The following CADM2 variants were observed in gnomAD, a reference collection of about 807,000 sequenced individuals.
CADM2 encodes cell adhesion molecule 2, also known as immunoglobulin superfamily member 4D.
CADM2 carries 12 observed loss-of-function variants against 49.8 expected under a neutral mutation model. The ratio of observed to expected loss-of-function variants is 0.24; its 90% CI spans 0.15 to 0.39. CADM2 has a LOEUF of 0.39. Ranked by LOEUF, CADM2 falls within the 10% of genes least tolerant of loss-of-function variation. CADM2 has a pLI of 1.00. For missense variants in CADM2, 378 were observed against 492.3 expected (o/e 0.77, Z 2.20); for synonymous variants, 214 against 175.4 (o/e 1.22, Z -1.74).
At position 86,072,968 on chromosome 3, in the gene CADM2, T is replaced by C. The variant is rs1238166020; in HGVS notation, c.*6185T>C. On this transcript the variant is annotated 3_prime_UTR_variant, in exon 10 of 10. Transcript: ENST00000383699. ...TATTTAACTGTACCTACTGTACTTA[T>C]TGTAGATTCAATGACGCAGTTAAGT... 1 of 152,124 alleles carries C rather than the reference T, an allele frequency of 6.6e-6. No homozygotes were observed. The highest frequency in any genetic ancestry group is 2.4e-5 in the African/African-American group (1 of 41,452). 9.4% of individuals were successfully genotyped at this position (152,124 alleles called of 1,614,324 possible).
chr3:85,942,380 T>C (rs1722037443), intron 7 of CADM2, among the ~76,000 whole-genome samples: 1 of 151,868 alleles, frequency 6.6e-6, no homozygotes, highest in African/African-American at 2.4e-5. Context: ...CATGTGCATA[T>C]TGTGCAGGTT....
chr3:85,413,138 C>CAAAAAAAAAAAAAAAAAA (rs397973777), intron 1 of CADM2, among the ~76,000 whole-genome samples: 5 of 17,114 alleles, frequency 2.9e-4, no homozygotes, highest in African/African-American at 8.3e-4. Context: ...GACTCCGTCT[C>CAAAAAAAAAAAAAAAAAA]AAAAAAAAAA....
chr3:85,335,700 T>C (rs1458987883), intron 1 of CADM2, among the ~76,000 whole-genome samples: 2 of 151,512 alleles, frequency 1.3e-5, no homozygotes, highest in African/African-American at 4.8e-5. Context: ...TATTTAATAA[T>C]CAGCTTCTTC....
chr3:85,173,212 T>C (rs942644412), intron 1 of CADM2, among the ~76,000 whole-genome samples: 25 of 151,764 alleles, frequency 1.6e-4, no homozygotes, highest in African/African-American at 5.1e-4. Context: ...GATATGGGTA[T>C]ATAGATAAGG....
intron 1 of CADM2, among the ~76,000 whole-genome samples, chr3:85,158,252 A>G (rs1351882140): frequency 2.0e-5 from 3 of 152,212 alleles, no homozygotes; most frequent in Admixed American, 6.5e-5. Flanking sequence ...GGGACTGTAA[A>G]CTAGTTCAAC....
intron 1 of CADM2, among the ~76,000 whole-genome samples, chr3:85,012,337 G>A (rs900024392): frequency 1.4e-5 from 2 of 147,796 alleles, no homozygotes; most frequent in African/African-American, 2.5e-5. Flanking sequence ...TTTTTCCTTA[G>A]CACTTAAAAT....
intron 3 of CADM2, among the ~76,000 whole-genome samples, chr3:85,836,262 G>T (rs187775654): frequency 2.6e-5 from 4 of 151,582 alleles, no homozygotes; most frequent in Non-Finnish European, 5.9e-5. Flanking sequence ...GAAGAGTTCT[G>T]GAAAAAAGCC....
chr3:85,041,463 CG>C (rs1402337534), intron 1 of CADM2, among the ~76,000 whole-genome samples: 3 of 152,078 alleles, frequency 2.0e-5, no homozygotes, highest in Middle Eastern at 3.2e-3. Context: ...GAAGAGGAAA[CG>C]GAAGTGAATG....
chr3:85,729,561 C>T (rs1205654013), intron 2 of CADM2, among the ~76,000 whole-genome samples: 1 of 152,134 alleles, frequency 6.6e-6, no homozygotes, highest in Non-Finnish European at 1.5e-5. Context: ...TTCTGTTACT[C>T]TTCACGCGTA....
chr3:84,974,514 CAT>C (rs77427858), intron 1 of CADM2, among the ~76,000 whole-genome samples: 12,095 of 151,898 alleles, frequency 0.08, 675 homozygotes, highest in Admixed American at 0.19. Context: ...GAGATGCATA[CAT>C]GTTTGGAAAC....
At chr3:85,846,318 G>A (rs2074876711) in intron 3 of CADM2, among the ~76,000 whole-genome samples, 1 of 152,054 alleles carries the variant, frequency 6.6e-6, no homozygotes, top group South Asian at 2.1e-4. Context: ...TAATCATTCA[G>A]TCAGTATATG....
At chr3:86,010,799 T>G (rs1731406709) in intron 8 of CADM2, among the ~76,000 whole-genome samples, 1 of 151,242 alleles carries the variant, frequency 6.6e-6, no homozygotes, top group East Asian at 1.9e-4. Flanking sequence ...TTAATCCAAC[T>G]AAGAAAAGAA....
At chr3:85,619,429 A>G (rs1453282209) in intron 1 of CADM2, among the ~76,000 whole-genome samples, 1 of 152,160 alleles carries the variant, frequency 6.6e-6, no homozygotes, top group African/African-American at 2.4e-5. Flanking sequence ...AATCAACTGT[A>G]GTGTCATCCT....
chr3:85,152,672 G>T (rs536515953), intron 1 of CADM2, among the ~76,000 whole-genome samples: 3 of 152,018 alleles, frequency 2.0e-5, no homozygotes, highest in Non-Finnish European at 2.9e-5. Flanking sequence ...ATATTAAAAT[G>T]TAAGGCTGGG....
chr3:85,206,617 C>T (rs1021052065), intron 1 of CADM2, among the ~76,000 whole-genome samples: 1 of 152,004 alleles, frequency 6.6e-6, no homozygotes, highest in Non-Finnish European at 1.5e-5. Context: ...GAATTTAGGT[C>T]ATTCTATGAG....
intron 5 of CADM2, among the ~76,000 whole-genome samples, chr3:85,910,244 A>G (rs903364686): frequency 6.6e-6 from 1 of 152,140 alleles, no homozygotes; most frequent in African/African-American, 2.4e-5. Flanking sequence ...GTGTAGCACA[A>G]TTATAAAAAT....
chr3:85,801,491 T>C (rs2072033915), intron 2 of CADM2, among the ~76,000 whole-genome samples: 2 of 152,132 alleles, frequency 1.3e-5, no homozygotes, highest in African/African-American at 4.8e-5. Context: ...TTTTACACAA[T>C]ACATTTTGTA....
At chr3:85,062,416 A>G (rs2107448048) in intron 1 of CADM2, among the ~76,000 whole-genome samples, 1 of 152,226 alleles carries the variant, frequency 6.6e-6, no homozygotes, top group South Asian at 2.1e-4. Flanking sequence ...TTAAGTATAT[A>G]TGATCTTTAA....
At chr3:85,629,637 A>G (rs2064245941) in intron 1 of CADM2, among the ~76,000 whole-genome samples, 1 of 151,986 alleles carries the variant, frequency 6.6e-6, no homozygotes, top group Admixed American at 6.6e-5. Flanking sequence ...CAATAGAACT[A>G]TGAAGTTGAT....
Sources: gnomAD v4.1 joint callset for allele counts (sites outside exome capture counted in the v4.1 genomes callset) on GRCh38, gnomAD v4.1.1 for gene constraint, MANE v1.5 for transcripts, NCBI Gene and HGNC (gene_info 2026-07-23, HGNC 2026-07-21) for gene names.